PI4K2B: variants seen among roughly 807,000 people sequenced by gnomAD.
The protein encoded by PI4K2B is phosphatidylinositol 4-kinase type 2 beta.
In PI4K2B, 46 loss-of-function variants were observed where a neutral mutation model predicts 56.6. The ratio of observed to expected loss-of-function variants is 0.81; its 90% confidence interval spans 0.64 to 1.04. PI4K2B has a LOEUF of 1.04. Ranked by LOEUF, PI4K2B falls within the 50% of genes least tolerant of loss-of-function variation. The pLI, the probability that PI4K2B is intolerant of heterozygous loss-of-function variation, is 0.00. For missense variants in PI4K2B, 556 were observed against 607.7 expected, an observed-to-expected ratio of 0.91 and a Z score of 0.89; for synonymous variants, 211 against 223.8, an observed-to-expected ratio of 0.94 and a Z score of 0.51.
At chr4:25,243,562 A>G (rs1025260829) in intron 1 of PI4K2B, among the ~76,000 whole-genome samples, 3 of 152,176 alleles carry the variant, frequency 2.0e-5, no homozygotes, top group Non-Finnish European at 4.4e-5. Context: ...CAGGTTTAAT[A>G]ATGCCTCTAG....
In PI4K2B at chr4:25,278,446, G is replaced by T. The variant is rs934876379; in HGVS notation, c.*1259G>T. 1 of 152,168 alleles carries T rather than the reference G, an allele frequency of 6.6e-6. No homozygotes were observed. The highest frequency in any genetic ancestry group is 2.4e-5 in the African/African-American group (1 of 41,432). 9.4% of individuals were successfully genotyped at this position (152,168 alleles called of 1,614,324 possible). On this transcript the variant is annotated 3_prime_UTR_variant, in exon 10 of 10. Transcript: ENST00000264864. ...TTTTGTTTTCTAAGCTTACTATCTTGTGTTTGTTTATTTGCTTTTAATGAA... is the reference window on the plus strand; with the variant it reads ...TTTTGTTTTCTAAGCTTACTATCTTTTGTTTGTTTATTTGCTTTTAATGAA...
intron 1 of PI4K2B, among the ~76,000 whole-genome samples, chr4:25,251,747 G>A (rs1716058784): frequency 2.0e-5 from 3 of 152,122 alleles, no homozygotes; most frequent in South Asian, 2.1e-4. Flanking sequence ...TTGCAGGACC[G>A]AAGTTCAAAG....
intron 7 of PI4K2B, chr4:25,267,973 CTACTT>C: frequency 2.0e-6 from 1 of 492,066 alleles, no homozygotes; most frequent in Non-Finnish European, 2.6e-6. Context: ...GTAGTTCCAG[CTACTT>C]TTGAAGCTGA....
intron 2 of PI4K2B, among the ~76,000 whole-genome samples, chr4:25,252,806 G>A (rs1357996558): frequency 2.6e-5 from 4 of 151,848 alleles, no homozygotes; most frequent in African/African-American, 7.3e-5. Context: ...TAGAGACGGT[G>A]GTCTCCCTAT....
At chr4:25,270,008 G>A (rs572422788) in intron 9 of PI4K2B, among the ~76,000 whole-genome samples, 17 of 152,136 alleles carry the variant, frequency 1.1e-4, no homozygotes, top group Non-Finnish European at 1.6e-4. Flanking sequence ...GAGCCACCGC[G>A]CCCAGCCTAA....
chr4:25,234,780 T>A (rs1206992896), intron 1 of PI4K2B, among the ~76,000 whole-genome samples: 1 of 152,222 alleles, frequency 6.6e-6, no homozygotes, highest in Non-Finnish European at 1.5e-5. Flanking sequence ...ACTTTTGAAT[T>A]AAGAACCTTG....
intron 4 of PI4K2B, among the ~76,000 whole-genome samples, chr4:25,257,349 G>A (rs568130626): frequency 4.3e-4 from 65 of 152,116 alleles, no homozygotes; most frequent in African/African-American, 1.3e-3. Flanking sequence ...GGTGTTAGCC[G>A]CTGTGCCTGG....
At chr4:25,259,265 C>T (rs1033076174) in intron 5 of PI4K2B, 75 bp downstream of exon 5, 9 of 1,057,898 alleles carry the variant, frequency 8.5e-6, no homozygotes, top group East Asian at 4.8e-5. Flanking sequence ...CAAATCAAAG[C>T]GGTAAACTTT....
chr4:25,259,927 A>G (rs569884066), intron 5 of PI4K2B, among the ~76,000 whole-genome samples: 1 of 152,240 alleles, frequency 6.6e-6, no homozygotes, highest in South Asian at 2.1e-4. Context: ...CTCAGACACT[A>G]CGCTGGACCT....
intron 1 of PI4K2B, among the ~76,000 whole-genome samples, chr4:25,237,111 T>C (rs1015124966): frequency 6.6e-6 from 1 of 152,226 alleles, no homozygotes; most frequent in African/African-American, 2.4e-5. Context: ...ATATGTCTGT[T>C]ATCTTCAACA....
At chr4:25,240,369 T>C (rs1200457687) in intron 1 of PI4K2B, among the ~76,000 whole-genome samples, 2 of 152,238 alleles carry the variant, frequency 1.3e-5, no homozygotes, top group Non-Finnish European at 2.9e-5. Context: ...GGATAGATTT[T>C]GTTATTTCTT....
chr4:25,251,654 G>A (rs1344876155), intron 1 of PI4K2B, among the ~76,000 whole-genome samples: 1 of 152,056 alleles, frequency 6.6e-6, no homozygotes, highest in Non-Finnish European at 1.5e-5. Context: ...TGAAAGTGTG[G>A]TGAGGTTGCA....
chr4:25,234,595 C>T (rs913354581), intron 1 of PI4K2B, among the ~76,000 whole-genome samples, 164 bp downstream of exon 1: 4 of 152,216 alleles, frequency 2.6e-5, no homozygotes, highest in African/African-American at 9.6e-5. Flanking sequence ...AGCCGCACCG[C>T]GGGCACCTAG....
At chr4:25,273,325 A>G (rs1716976577) in intron 9 of PI4K2B, among the ~76,000 whole-genome samples, 1 of 152,188 alleles carries the variant, frequency 6.6e-6, no homozygotes, top group Admixed American at 6.5e-5. Context: ...ATGTGACCTG[A>G]AAAAATGCAG....
rs1237422154 is a variant in PI4K2B at position 25,278,733 on chromosome 4, A to G, written c.*1546A>G. 6.6e-6 allele frequency: 1 copy of G among 152,660 alleles called. No individual in the cohort carries two copies. The highest frequency in any genetic ancestry group is 1.5e-5 in the Non-Finnish European group (1 of 68,036). 9.5% of individuals were successfully genotyped at this position (152,660 alleles called of 1,614,324 possible). A position where few individuals can be genotyped will look rare whatever the true frequency, so the allele number is the denominator to read the frequency against. On this transcript the variant is annotated 3_prime_UTR_variant, in exon 10 of 10. Transcript: ENST00000264864. ...AGTAATTAAAATGTGCCTTTTGAAG[A>G]TGTTTTCTAAGAGAAAGGAAATACG...
intron 1 of PI4K2B, among the ~76,000 whole-genome samples, chr4:25,242,113 C>T (rs1577677000): frequency 1.3e-5 from 2 of 152,220 alleles, no homozygotes; most frequent in African/African-American, 4.8e-5. Flanking sequence ...GCTGAGGGCC[C>T]TGGTCCCTCT....
intron 6 of PI4K2B, 136 bp downstream of exon 6, chr4:25,260,727 A>G (rs1560376215): frequency 3.9e-6 from 1 of 257,996 alleles, no homozygotes; most frequent in Non-Finnish European, 7.4e-6. Flanking sequence ...TATATATTCA[A>G]TTTCTGTAAA....
intron 1 of PI4K2B, among the ~76,000 whole-genome samples, chr4:25,237,165 T>C (rs1436872725): frequency 6.6e-6 from 1 of 152,184 alleles, no homozygotes; most frequent in Non-Finnish European, 1.5e-5. Flanking sequence ...CATAGTGTTG[T>C]TGGATCAGTG....
At chr4:25,270,225 G>C (rs1207247497) in intron 9 of PI4K2B, among the ~76,000 whole-genome samples, 1 of 152,112 alleles carries the variant, frequency 6.6e-6, no homozygotes, top group Non-Finnish European at 1.5e-5. Context: ...GCTTTTGCTA[G>C]AGCAGTCACT....
Sources: gnomAD v4.1 joint callset for allele counts (sites outside exome capture counted in the v4.1 genomes callset) on GRCh38, gnomAD v4.1.1 for gene constraint, MANE v1.5 for transcripts, NCBI Gene and HGNC (gene_info 2026-07-23, HGNC 2026-07-21) for gene names.